Variants in DENND5B observed in about 807,000 individuals in gnomAD.
DENND5B encodes DENN domain containing 5B.
A neutral mutation model predicts 140.6 loss-of-function variants in DENND5B; 34 were observed. The observed-to-expected ratio is 0.24, with a 90% confidence interval of 0.18 to 0.32. The LOEUF (loss-of-function observed/expected upper bound fraction) is 0.32. DENND5B is among the 10% of genes least tolerant of loss of function. The pLI is 1.00. For synonymous variants in DENND5B, 551 were observed against 562.1 expected (o/e 0.98, Z 0.28); for missense variants, 1,142 against 1,560.2 (o/e 0.73, Z 4.52).
At chr12:31,537,317 AG>A (rs1427377841) in intron 1 of DENND5B, among the ~76,000 whole-genome samples, 2 of 152,166 alleles carry the variant, frequency 1.3e-5, no homozygotes, top group Non-Finnish European at 2.9e-5. Flanking sequence ...GTTAGAAAGC[AG>A]GGGGATGAAG....
At chr12:31,550,399 A>C (rs1292015252) in intron 1 of DENND5B, among the ~76,000 whole-genome samples, 2 of 151,632 alleles carry the variant, frequency 1.3e-5, no homozygotes, top group African/African-American at 4.8e-5. Context: ...TGAACTCATC[A>C]TTTTTTATGG....
chr12:31,446,199 A>T (rs1944269132), intron 6 of DENND5B, among the ~76,000 whole-genome samples: 2 of 151,746 alleles, frequency 1.3e-5, no homozygotes, highest in South Asian at 4.2e-4. Flanking sequence ...CCCAGGCGGG[A>T]GTGCAGTGGT....
Position 31,571,543 on chromosome 12 carries a change from T to C in DENND5B, c.127+19163A>G, listed in dbSNP as rs981963331. On this transcript the variant is annotated intron_variant, in intron 1 of 20. Transcript: ENST00000389082. ...GGATTTAATTTCTATCTCTCAAAAG[T>C]AAACACCTGAATTAGAAAACTCCAT... 2.6e-5 allele frequency among the ~76,000 whole-genome samples: 4 copies of C among 152,158 alleles called. No individual in the cohort carries two copies. In the East Asian group the frequency reaches 7.7e-4, roughly 29 times the overall value.
rs142762853 is a variant in DENND5B, at chr12:31,464,789, G to C, written c.905-4408C>G. On this transcript the variant is annotated intron_variant, in intron 3 of 20. Transcript: ENST00000389082. ...TTGGCCAGGCTGGTCTTGAACTCCT[G>C]ACCTCAAGTGATCTGCCTGCCTGCC... Among the ~76,000 whole-genome samples, 197 of 152,072 alleles carry C rather than the reference G, an allele frequency of 1.3e-3. 1 individual carries two copies. Among genetic ancestry groups the C allele is most frequent in the African/African-American group, 4.6e-3 (192 of 41,482 alleles).
At chr12:31,564,310 G>C (rs954010929) in intron 1 of DENND5B, among the ~76,000 whole-genome samples, 6 of 151,858 alleles carry the variant, frequency 4.0e-5, no homozygotes, top group Admixed American at 1.3e-4. Context: ...TCAGCAACAA[G>C]AAACAAAACA....
rs142981689 is a variant in DENND5B at position 31,429,415 on chromosome 12, A to T, written c.2107-2991T>A. On this transcript the variant is annotated intron_variant, in intron 8 of 20. Coordinates refer to ENST00000389082, the MANE Select transcript of DENND5B (RefSeq NM_144973.4). ...TAGTTTTTATTTATTTATTATTATT[A>T]TTTTTTTTCTTGAGACGAAGTCTCG... 5.8e-3 allele frequency among the ~76,000 whole-genome samples: 883 copies of T among 151,954 alleles called. 7 individuals carry two copies. The highest frequency in any genetic ancestry group is 0.015 in the African/African-American group (640 of 41,454).
intron 1 of DENND5B, among the ~76,000 whole-genome samples, chr12:31,517,035 G>GTTAA (rs1266382486): frequency 6.6e-6 from 1 of 151,402 alleles, no homozygotes; most frequent in Admixed American, 6.6e-5. Flanking sequence ...TTCAACAAAT[G>GTTAA]TTAACACTTT....
chr12:31,461,044 A>AT (rs982556922), intron 3 of DENND5B, among the ~76,000 whole-genome samples: 2 of 151,676 alleles, frequency 1.3e-5, no homozygotes, highest in East Asian at 1.9e-4. Flanking sequence ...ATTTTTGATC[A>AT]TTTTTTTATA....
At chr12:31,569,560 G>A (rs530277892) in intron 1 of DENND5B, among the ~76,000 whole-genome samples, 1 of 152,194 alleles carries the variant, frequency 6.6e-6, no homozygotes, top group Non-Finnish European at 1.5e-5. Flanking sequence ...TATAATCCCA[G>A]TGCTTTGGGA....
At position 31,385,430 on chromosome 12, in the gene DENND5B, T is replaced by TAA. The variant is rs1940809290; in HGVS notation, c.*2172_*2173insTT. On this transcript the variant is annotated 3_prime_UTR_variant, in exon 21 of 21. Transcript: ENST00000389082. ...AATCCTAGCACATTAACCTAAGTCA[T>TAA]CCCCCAGGTTGCCTAGACCTGTCAG... The TAA allele has an allele frequency of 1.3e-5, 2 of 152,048 alleles. No individual in the cohort carries two copies. Among genetic ancestry groups the TAA allele is most frequent in the Non-Finnish European group, 2.9e-5 (2 of 68,034 alleles). 9.4% of individuals were successfully genotyped at this position (152,048 alleles called of 1,614,324 possible). A position where few individuals can be genotyped will look rare whatever the true frequency, so the allele number is the denominator to read the frequency against.
chr12:31,456,137 C>T (rs756008506), intron 4 of DENND5B, among the ~76,000 whole-genome samples: 7 of 152,126 alleles, frequency 4.6e-5, no homozygotes, highest in Non-Finnish European at 8.8e-5. Context: ...CAAGACCAGC[C>T]TGGCCAACAT....
chr12:31,557,958 C>T (rs565737829), intron 1 of DENND5B, among the ~76,000 whole-genome samples: 2 of 152,128 alleles, frequency 1.3e-5, no homozygotes, highest in South Asian at 2.1e-4. Context: ...GAGGCTGAGG[C>T]GAGAGGACTG....
intron 1 of DENND5B, among the ~76,000 whole-genome samples, chr12:31,498,313 T>C (rs1225471790): frequency 5.9e-5 from 9 of 152,198 alleles, no homozygotes; most frequent in African/African-American, 2.2e-4. Context: ...AATAACATTA[T>C]CTTCATTCAT....
intron 1 of DENND5B, among the ~76,000 whole-genome samples, chr12:31,553,703 A>T (rs28859989): frequency 3.9e-5 from 6 of 152,160 alleles, no homozygotes; most frequent in South Asian, 4.1e-4. Context: ...AGTCTAAGTC[A>T]CTTTGTAGGT....
chr12:31,410,555 G>A (rs1361477782), intron 13 of DENND5B, among the ~76,000 whole-genome samples: 5 of 151,996 alleles, frequency 3.3e-5, no homozygotes, highest in South Asian at 4.1e-4. Flanking sequence ...ACAGGTGCAC[G>A]CTACCACACT....
At chr12:31,471,451 CCAT>C (rs778935978) in intron 3 of DENND5B, among the ~76,000 whole-genome samples, 7 of 148,608 alleles carry the variant, frequency 4.7e-5, no homozygotes, top group Non-Finnish European at 7.4e-5. Context: ...TCGCACACCA[CCAT>C]GCCTGTATTT....
chr12:31,404,759 C>CTTTTTTTTTTTTTTTTTTTTTTTTTTTTT lies in DENND5B; in HGVS notation c.2804-2117_2804-2116insAAAAAAAAAAAAAAAAAAAAAAAAAAAAA, dbSNP rs71062425. 2.7e-5 allele frequency among the ~76,000 whole-genome samples: 2 copies of CTTTTTTTTTTTTTTTTTTTTTTTTTTTTT among 74,064 alleles called. 1 individual carries two copies. 48.6% of individuals were successfully genotyped at this position (74,064 alleles called of 152,430 possible). ...ATAAGCCACCGCGTCCGACCTCTAG[C>CTTTTTTTTTTTTTTTTTTTTTTTTTTTTT]TTTTTTTTTTTTTTTTTGAGACAGA... On this transcript the variant is annotated intron_variant, in intron 14 of 20. Transcript: ENST00000389082.
chr12:31,393,931 C>A (rs568671159), intron 17 of DENND5B, among the ~76,000 whole-genome samples: 1 of 152,136 alleles, frequency 6.6e-6, no homozygotes, highest in Non-Finnish European at 1.5e-5. Context: ...CTCAGGTGAT[C>A]CGCCCACCTC....
chr12:31,529,416 T>G (rs1948204447), intron 1 of DENND5B, among the ~76,000 whole-genome samples: 2 of 152,140 alleles, frequency 1.3e-5, no homozygotes, highest in African/African-American at 4.8e-5. Context: ...TAAAAATGTA[T>G]GCAGCTAATC....
Sources: gnomAD v4.1 joint callset for allele counts (sites outside exome capture counted in the v4.1 genomes callset) on GRCh38, gnomAD v4.1.1 for gene constraint, MANE v1.5 for transcripts, NCBI Gene and HGNC (gene_info 2026-07-23, HGNC 2026-07-21) for gene names.